SLC35F3: variants seen among roughly 807,000 people sequenced by gnomAD.
The protein encoded by SLC35F3 is solute carrier family 35 member F3.
Under a neutral mutation model 49.9 loss-of-function variants are expected in SLC35F3, and 25 were observed. The ratio of observed to expected loss-of-function variants is 0.50; its 90% CI spans 0.37 to 0.70. The LOEUF (loss-of-function observed/expected upper bound fraction) is 0.70, where lower values mean the gene tolerates loss of function less well. SLC35F3 is among the 30% of genes least tolerant of loss of function. The probability of loss-of-function intolerance (pLI) is 0.00; values close to 1 mark genes in which losing one functional copy is unlikely to be tolerated. For synonymous variants in SLC35F3, 275 were observed against 265.4 expected, an observed-to-expected ratio of 1.04 and a Z score of -0.35; for missense variants, 525 against 639.8, an observed-to-expected ratio of 0.82 and a Z score of 1.94.
chr1:234,194,615 G>T (rs957206858), intron 2 of SLC35F3, among the ~76,000 whole-genome samples: 7 of 140,846 alleles, frequency 5.0e-5, no homozygotes, highest in African/African-American at 1.8e-4. Flanking sequence ...AAAAATTAAT[G>T]CAATAAAAAA....
chr1:234,217,231 AC>A (rs1262036168), intron 2 of SLC35F3, among the ~76,000 whole-genome samples: 2 of 152,164 alleles, frequency 1.3e-5, no homozygotes, highest in African/African-American at 4.8e-5. Flanking sequence ...TACATATAAA[AC>A]CAAAATAGAA....
At chr1:234,158,909 G>A (rs1666189799) in intron 2 of SLC35F3, among the ~76,000 whole-genome samples, 1 of 152,098 alleles carries the variant, frequency 6.6e-6, no homozygotes, top group African/African-American at 2.4e-5. Flanking sequence ...GAAAACTAAT[G>A]AACAAAGGAG....
chr1:233,994,899 C>T (rs911294212), intron 2 of SLC35F3, among the ~76,000 whole-genome samples: 1 of 151,862 alleles, frequency 6.6e-6, no homozygotes, highest in Middle Eastern at 3.2e-3. Context: ...TACATCATAA[C>T]CTGATGGGAA....
chr1:233,962,534 A>G (rs903390466), intron 2 of SLC35F3, among the ~76,000 whole-genome samples: 7 of 152,228 alleles, frequency 4.6e-5, no homozygotes, highest in African/African-American at 1.7e-4. Context: ...TGAGGGGCTT[A>G]TATGCAGAGT....
intron 3 of SLC35F3, among the ~76,000 whole-genome samples, chr1:234,288,976 T>A (rs908605872): frequency 1.2e-4 from 18 of 152,318 alleles, no homozygotes; most frequent in African/African-American, 4.3e-4. Context: ...TCTGGCTTCC[T>A]CAATCACTTA....
chr1:233,991,810 G>GCAT (rs1663359529), intron 2 of SLC35F3, among the ~76,000 whole-genome samples: 1 of 152,020 alleles, frequency 6.6e-6, no homozygotes. Flanking sequence ...ATCATCATCA[G>GCAT]CATCATCATT....
chr1:234,316,593 T>G lies in SLC35F3; in HGVS notation c.829-9T>G, dbSNP rs768304700. 2 of 1,601,398 alleles carry G rather than the reference T, an allele frequency of 1.2e-6. No individual in the cohort carries two copies. Among genetic ancestry groups the G allele is most frequent in the Non-Finnish European group, 1.7e-6 (2 of 1,169,672 alleles). On this transcript the variant is annotated splice_polypyrimidine_tract_variant and intron_variant, in intron 4 of 7. Transcript: ENST00000366618. ...CTTCCCTGACCAGCATTTTCTTCCG[T>G]CTGTCCAGATTGTGGCCGCCATCCT... is the stretch of plus-strand genomic sequence containing the variant.
chr1:234,052,016 T>C (rs1320164567), intron 2 of SLC35F3, among the ~76,000 whole-genome samples: 2 of 152,220 alleles, frequency 1.3e-5, no homozygotes, highest in Non-Finnish European at 1.5e-5. Context: ...GATAAGCTTT[T>C]TGATGTGCTG....
intron 2 of SLC35F3, among the ~76,000 whole-genome samples, chr1:234,198,615 T>TA (rs397783697): frequency 5.9e-5 from 9 of 151,942 alleles, no homozygotes; most frequent in South Asian, 2.1e-4. Context: ...TGTGTTTTTT[T>TA]AAAATTAATT....
At chr1:234,189,896 G>C (rs1666706478) in intron 2 of SLC35F3, among the ~76,000 whole-genome samples, 1 of 152,148 alleles carries the variant, frequency 6.6e-6, no homozygotes, top group Non-Finnish European at 1.5e-5. Flanking sequence ...AAGCTAGAAG[G>C]GATTGGGGCC....
intron 2 of SLC35F3, among the ~76,000 whole-genome samples, chr1:234,059,579 A>G (rs985043463): frequency 1.3e-5 from 2 of 152,020 alleles, no homozygotes; most frequent in Admixed American, 1.3e-4. Context: ...AGAGGTAGAG[A>G]TAGAGCTAGA....
chr1:234,296,839 C>T (rs1428658753), intron 3 of SLC35F3, among the ~76,000 whole-genome samples: 1 of 152,212 alleles, frequency 6.6e-6, no homozygotes, highest in African/African-American at 2.4e-5. Context: ...CTCTCCAAGA[C>T]CTTATCGTTC....
intron 3 of SLC35F3, among the ~76,000 whole-genome samples, chr1:234,279,561 A>C (rs1403813164): frequency 1.3e-5 from 2 of 152,148 alleles, no homozygotes; most frequent in East Asian, 3.9e-4. Context: ...AAGTCAGAGA[A>C]GAACATCGGC....
At chr1:234,068,192 A>G (rs1664649666) in intron 2 of SLC35F3, among the ~76,000 whole-genome samples, 1 of 152,212 alleles carries the variant, frequency 6.6e-6, no homozygotes, top group African/African-American at 2.4e-5. Flanking sequence ...AATGAAAATG[A>G]AGTGTCTCTA....
intron 2 of SLC35F3, among the ~76,000 whole-genome samples, chr1:233,953,211 C>A (rs528890848): frequency 6.6e-6 from 1 of 151,948 alleles, no homozygotes; most frequent in South Asian, 2.1e-4. Context: ...AATGATAGGA[C>A]TGCAAAGAAA....
At chr1:234,245,132 C>A (rs1411662974) in intron 3 of SLC35F3, among the ~76,000 whole-genome samples, 2 of 152,190 alleles carry the variant, frequency 1.3e-5, no homozygotes, top group African/African-American at 2.4e-5. Context: ...CACCACCTAC[C>A]TTTCCCAGTC....
Position 234,150,582 on chromosome 1 carries a change from T to A in SLC35F3, c.284-80835T>A, listed in dbSNP as rs117744579. Among the ~76,000 whole-genome samples, 60 of 152,286 alleles carry A rather than the reference T, an allele frequency of 3.9e-4. 1 individual carries two copies. The East Asian group carries it at 0.011, about 28-fold the overall frequency. ...TATCTTATCTCATTGGATAAGCTCA[T>A]CAAAATAGATCCCATGTCTGCTATG... On this transcript the variant is annotated intron_variant, in intron 2 of 7. Transcript: ENST00000366618.
chr1:234,069,163 TATATA>T (rs1332742668), intron 2 of SLC35F3, among the ~76,000 whole-genome samples: 115 of 135,888 alleles, frequency 8.5e-4, no homozygotes, highest in African/African-American at 1.3e-3. Context: ...TAGACAATAA[TATATA>T]ATATAATATA....
chr1:234,274,494 T>A (rs1668165244), intron 3 of SLC35F3: 1 of 152,226 alleles, frequency 6.6e-6, no homozygotes, highest in Non-Finnish European at 1.5e-5. Flanking sequence ...TCGAGAAATT[T>A]CACAGAAAAC....
Sources: gnomAD v4.1 joint callset for allele counts (sites outside exome capture counted in the v4.1 genomes callset) on GRCh38, gnomAD v4.1.1 for gene constraint, MANE v1.5 for transcripts, NCBI Gene and HGNC (gene_info 2026-07-23, HGNC 2026-07-21) for gene names.